ERBB2: variants seen among roughly 807,000 people sequenced by gnomAD.
The protein encoded by ERBB2 is receptor tyrosine-protein kinase erbB-2.
A neutral mutation model predicts 149.0 loss-of-function variants in ERBB2; 61 were observed. The observed-to-expected ratio is 0.41, with a 90% CI of 0.33 to 0.51. The LOEUF (loss-of-function observed/expected upper bound fraction) is 0.51, where lower values mean the gene tolerates loss of function less well. Ranked by LOEUF, ERBB2 falls within the 20% of genes least tolerant of loss-of-function variation. The pLI, the probability that ERBB2 is intolerant of heterozygous loss-of-function variation, is 0.25. For missense variants in ERBB2, 1,205 were observed against 1,655.1 expected, an observed-to-expected ratio of 0.73 and a Z score of 4.72; for synonymous variants, 633 against 678.8, an observed-to-expected ratio of 0.93 and a Z score of 1.05.
rs779469693 is a variant in ERBB2, at chr17:39,727,871, C to T, written c.3595C>T (p.Pro1199Ser). The T allele has an allele frequency of 1.2e-6, 2 of 1,614,006 alleles. No individual in the cohort carries two copies. The highest frequency in any genetic ancestry group is 1.3e-5 in the African/African-American group (1 of 74,906). The change falls in exon 27 of 27, where the codon CCC becomes TCC. Residue 1199 changes from proline (P) to serine (S), a missense_variant. Physicochemically the swap from Pro to Ser is moderately conservative, Grantham distance 74. This residue lies in a region of ERBB2 where 312 missense variants were observed against 343.8 expected (regional missense o/e 0.91). Transcript: ENST00000269571. The surrounding 1 kb of genome is among the most constrained non-coding windows in gnomAD (Gnocchi z 4.3). ...GAVENPEYLT[P>S]QGGAAPQPHP... ...CGTGGAGAACCCCGAGTACTTGACA[C>T]CCCAGGGAGGAGCTGCCCCTCAGCC...
intron 9 of ERBB2, among the ~76,000 whole-genome samples, chr17:39,712,716 A>G (rs971245477): frequency 3.3e-5 from 5 of 152,210 alleles, no homozygotes; most frequent in African/African-American, 1.2e-4. Flanking sequence ...TAGCAGCTTT[A>G]TTCAAAATAT....
At chr17:39,691,940 T>C (rs866920637), upstream of ERBB2, among the ~76,000 whole-genome samples, 21 of 118,880 alleles carry the variant, frequency 1.8e-4, no homozygotes, top group African/African-American at 4.1e-4. Context: ...TATACATATA[T>C]ATATATATAT....
chr17:39,705,281 T>C (rs2058358328), intron 1 of ERBB2, among the ~76,000 whole-genome samples: 1 of 151,972 alleles, frequency 6.6e-6, no homozygotes, highest in African/African-American at 2.4e-5. Flanking sequence ...AGTCGGACCC[T>C]GCCCCAGCCC....
intron 1 of ERBB2, among the ~76,000 whole-genome samples, chr17:39,703,653 TC>T (rs1454783043): frequency 6.6e-6 from 1 of 152,222 alleles, no homozygotes; most frequent in East Asian, 1.9e-4. Flanking sequence ...TAGAGATGAA[TC>T]CGATTTAGCT....
chr17:39,718,151 T>C (rs2059248230), intron 15 of ERBB2, among the ~76,000 whole-genome samples: 1 of 152,220 alleles, frequency 6.6e-6, no homozygotes, highest in Admixed American at 6.5e-5. Flanking sequence ...AGATCATACA[T>C]ATTGTTTGCA....
chr17:39,725,193 G>T lies in ERBB2; in HGVS notation c.2638G>T (p.Asp880Tyr), dbSNP rs747974836. The T allele has an allele frequency of 6.2e-7, 1 of 1,613,964 alleles. No individual in the cohort carries two copies. Among genetic ancestry groups the T allele is most frequent in the Non-Finnish European group, 8.5e-7 (1 of 1,180,044 alleles). Residue 880 changes from aspartate (D) to tyrosine (Y), a missense_variant, in exon 21 of 27, where the codon GAT becomes TAT. Coordinates refer to ENST00000269571, the MANE Select transcript of ERBB2 (RefSeq NM_004448.4). The surrounding 1 kb of genome is among the most constrained non-coding windows in gnomAD (Gnocchi z 4.6). ...LDIDETEYHA[D>Y]GGKVPIKWMA... ...CATTGACGAGACAGAGTACCATGCA[G>T]ATGGGGGCAAGGTTAGGTGAAGGAC...
At chr17:39,717,610 G>T in intron 15 of ERBB2, 130 bp downstream of exon 15, 1 of 706,170 alleles carries the variant, frequency 1.4e-6, no homozygotes, top group Non-Finnish European at 2.2e-6. Context: ...ATAACACATT[G>T]TTAAAATTGT....
chr17:39,722,371 C>T (rs763462846), intron 16 of ERBB2, among the ~76,000 whole-genome samples: 2 of 151,960 alleles, frequency 1.3e-5, no homozygotes, highest in Non-Finnish European at 2.9e-5. Flanking sequence ...AGTGTGGTGG[C>T]GTGTGTCTGT....
At chr17:39,710,704 G>T (rs2058745593) in intron 7 of ERBB2, among the ~76,000 whole-genome samples, 1 of 152,206 alleles carries the variant, frequency 6.6e-6, no homozygotes, top group Admixed American at 6.5e-5. Flanking sequence ...TTGAAACCCA[G>T]CTCTATCAAT....
In ERBB2 at chr17:39,726,323, A is replaced by C; in HGVS notation, c.2873-239A>C. The C allele has an allele frequency of 1.8e-5, 9 of 506,758 alleles. No individual in the cohort carries two copies. Among genetic ancestry groups the C allele is most frequent in the South Asian group, 2.3e-5 (1 of 43,638 alleles). 31.4% of individuals were successfully genotyped at this position (506,758 alleles called of 1,614,324 possible). A position where few individuals can be genotyped will look rare whatever the true frequency, so the allele number is the denominator to read the frequency against. ...AATCCAGCCTGGGTGACAGAGCGAA[A>C]CCTCATCTCAAAAAAATAAAAAAGC... On this transcript the variant is annotated intron_variant, in intron 23 of 26. Coordinates refer to ENST00000269571, the MANE Select transcript of ERBB2 (RefSeq NM_004448.4). This position sits in a 1 kb window ranked among gnomAD's most constrained non-coding sequence, Gnocchi z 5.1.
chr17:39,724,978 G>C (rs564693604), intron 20 of ERBB2, 67 bp downstream of exon 20: 2 of 1,608,220 alleles, frequency 1.2e-6, no homozygotes, highest in African/African-American at 2.7e-5. Flanking sequence ...GGCTAGGATG[G>C]GGACTCTTGC....
At position 39,715,930 on chromosome 17, in the gene ERBB2, G is replaced by A. The variant is rs1198314054; in HGVS notation, c.1504G>A (p.Asp502Asn). The A allele has an allele frequency of 6.2e-7, 1 of 1,609,270 alleles. No homozygotes were observed. Among genetic ancestry groups the A allele is most frequent in the Non-Finnish European group, 8.5e-7 (1 of 1,179,956 alleles). ...GCTCCACACTGCCAACCGGCCAGAG[G>A]ACGAGTGTGGTAAGACAGGGAGCCC... Reference protein sequence around the residue: ...ALLHTANRPEDECVGEGLACH... With the variant: ...ALLHTANRPENECVGEGLACH... Residue 502 changes from aspartate to asparagine, a missense_variant, in exon 12 of 27, where the codon GAC becomes AAC. Physicochemically the swap from Asp to Asn is conservative, Grantham distance 23. Around this residue, in one of 6 missense-constraint regions of ERBB2, gnomAD observed 569 missense variants for 803.5 expected, o/e 0.71. Coordinates refer to ENST00000269571, the MANE Select transcript of ERBB2 (RefSeq NM_004448.4).
chr17:39,708,302 C>A lies in ERBB2; in HGVS notation c.226-19C>A, dbSNP rs2058582885. The A allele has an allele frequency of 4.4e-6, 7 of 1,606,412 alleles. No homozygotes were observed. Among genetic ancestry groups the A allele is most frequent in the Non-Finnish European group, 6.0e-6 (7 of 1,173,884 alleles). ...TGGCAGTGTTCCTATTTCAGCCCCACTCTGCTTCCCCCTCCCAGGATATCC... is the reference window on the plus strand; with the variant it reads ...TGGCAGTGTTCCTATTTCAGCCCCAATCTGCTTCCCCCTCCCAGGATATCC... On this transcript the variant is annotated intron_variant, in intron 2 of 26. Transcript: ENST00000269571.
chr17:39,691,036 C>CAA (rs753360328), upstream of ERBB2, among the ~76,000 whole-genome samples: 4 of 80,492 alleles, frequency 5.0e-5, no homozygotes, highest in Non-Finnish European at 7.9e-5. Context: ...AACTCCGTTT[C>CAA]AAAAAAAAAA....
rs2230698 is a variant in ERBB2 at position 39,715,797 on chromosome 17, A to G, written c.1371A>G (p.Ser457=). The G allele has an allele frequency of 7.3e-3, 11,676 of 1,609,958 alleles. 692 individuals are homozygous for G. In the African/African-American group the frequency reaches 0.13, roughly 18 times the overall value. ...GLGISWLGLR[S]LRELGSGLAL... is the part of the protein sequence containing the mutation. Reference sequence around the variant, plus strand: ...GCATCAGCTGGCTGGGGCTGCGCTCACTGAGGGAACTGGGCAGTGGACTGG... The same window carrying G: ...GCATCAGCTGGCTGGGGCTGCGCTCGCTGAGGGAACTGGGCAGTGGACTGG... The change falls in exon 12 of 27, where the codon TCA becomes TCG. Residue 457 remains serine (S), a synonymous_variant. Coordinates refer to ENST00000269571, the MANE Select transcript of ERBB2 (RefSeq NM_004448.4).
At chr17:39,689,677 G>A (rs886377961) in intron 2 of ERBB2, among the ~76,000 whole-genome samples, 4 of 151,900 alleles carry the variant, frequency 2.6e-5, no homozygotes, top group South Asian at 2.1e-4. Flanking sequence ...AGGCCGAGGC[G>A]GACGGATCAC....
chr17:39,713,850 A>T (rs528931754), intron 9 of ERBB2, among the ~76,000 whole-genome samples: 2 of 151,862 alleles, frequency 1.3e-5, no homozygotes, highest in Non-Finnish European at 2.9e-5. Flanking sequence ...GAGCCCAGGA[A>T]TTCAAGAACA....
At chr17:39,709,169 A>AGTC (rs2058646207) in intron 3 of ERBB2, 149 bp from the exon 4 acceptor site, 1 of 885,266 alleles carries the variant, frequency 1.1e-6, no homozygotes, top group African/African-American at 1.7e-5. Flanking sequence ...GGTGGGACTC[A>AGTC]AAGACGGTAA....
intron 16 of ERBB2, among the ~76,000 whole-genome samples, chr17:39,721,329 G>A (rs1187983995): frequency 3.6e-5 from 5 of 140,654 alleles, no homozygotes; most frequent in African/African-American, 8.0e-5. Context: ...GCAATGACAC[G>A]ATCTTGGCTC....
Sources: gnomAD v4.1 joint callset for allele counts (sites outside exome capture counted in the v4.1 genomes callset) on GRCh38, gnomAD v4.1.1 for gene constraint, gnomAD v4.1.1 regional missense constraint, Gnocchi (gnomAD v3.1) non-coding constraint, MANE v1.5 for transcripts, NCBI Gene and HGNC (gene_info 2026-07-23, HGNC 2026-07-21) for gene names.